The following TMTC2 variants were observed in gnomAD, a reference collection of about 807,000 sequenced individuals.
TMTC2 encodes protein O-mannosyl-transferase TMTC2.
In TMTC2, 43 loss-of-function variants were observed where a neutral mutation model predicts 82.4. That is an observed-to-expected ratio of 0.52 (90% CI 0.41 to 0.67). TMTC2 has a LOEUF of 0.67. Among genes scored for constraint, TMTC2 ranks in the 30% least tolerant of loss-of-function variants. The pLI is 0.00. For missense variants in TMTC2, 919 were observed against 1,012.4 expected (o/e 0.91, Z 1.25); for synonymous variants, 408 against 381.9 (o/e 1.07, Z -0.80).
Position 83,019,791 on chromosome 12 carries a change from T to G in TMTC2, c.2071-11007T>G, listed in dbSNP as rs139177550. Among the ~76,000 whole-genome samples, 517 of 152,278 alleles carry G rather than the reference T, an allele frequency of 3.4e-3. 1 individual carries two copies. Among genetic ancestry groups the G allele is most frequent in the Middle Eastern group, 0.01 (3 of 294 alleles). The stretch of plus-strand genomic sequence containing the variant: ...TTCCTTTCGTTGCCACTTCTCTACG[T>G]GCCTTCTGCTCCCATTCCACTCTCT... On this transcript the variant is annotated intron_variant, in intron 8 of 11. Coordinates refer to ENST00000321196, the MANE Select transcript of TMTC2 (RefSeq NM_152588.3).
intron 1 of TMTC2, among the ~76,000 whole-genome samples, chr12:82,710,384 C>T (rs140200030): frequency 8.5e-5 from 13 of 152,282 alleles, no homozygotes; most frequent in African/African-American, 2.4e-4. Context: ...TATATTGCCA[C>T]CTCCATTTTA....
intron 3 of TMTC2, among the ~76,000 whole-genome samples, chr12:82,896,913 C>CTGTGGCTTGG (rs1873718553): frequency 1.3e-5 from 2 of 152,110 alleles, no homozygotes; most frequent in African/African-American, 2.4e-5. Flanking sequence ...GTTGTGTAAA[C>CTGTGGCTTGG]AATATTGACT....
intron 11 of TMTC2, among the ~76,000 whole-genome samples, chr12:83,125,398 T>A (rs2137567029): frequency 6.6e-6 from 1 of 152,320 alleles, no homozygotes; most frequent in Non-Finnish European, 1.5e-5. Context: ...GGTGATATTT[T>A]GTATGATGTT....
At chr12:82,911,917 G>C (rs761397852) in intron 3 of TMTC2, among the ~76,000 whole-genome samples, 1 of 152,032 alleles carries the variant, frequency 6.6e-6, no homozygotes, top group Non-Finnish European at 1.5e-5. Context: ...GCCCATACTC[G>C]GATTTGGTTA....
intron 11 of TMTC2, among the ~76,000 whole-genome samples, chr12:83,097,201 A>G (rs2137528230): frequency 6.6e-6 from 1 of 152,322 alleles, no homozygotes; most frequent in South Asian, 2.1e-4. Flanking sequence ...CTAGAGATCA[A>G]GGAGAGATGG....
At chr12:82,988,716 C>T (rs1715051516) in intron 8 of TMTC2, among the ~76,000 whole-genome samples, 1 of 151,530 alleles carries the variant, frequency 6.6e-6, no homozygotes, top group Non-Finnish European at 1.5e-5. Context: ...TTTTTGCTTA[C>T]ACCTTACCTC....
At chr12:83,060,408 CCTT>C (rs1280455153) in intron 10 of TMTC2, among the ~76,000 whole-genome samples, 2 of 151,666 alleles carry the variant, frequency 1.3e-5, no homozygotes, top group Non-Finnish European at 2.9e-5. Flanking sequence ...GGCTAGTTAA[CCTT>C]CTCTTTTAAA....
chr12:82,994,556 T>G (rs1019635476), intron 8 of TMTC2, among the ~76,000 whole-genome samples: 3 of 152,040 alleles, frequency 2.0e-5, no homozygotes, highest in African/African-American at 7.2e-5. Flanking sequence ...TACTCTGATA[T>G]TCCATATTAC....
intron 11 of TMTC2, among the ~76,000 whole-genome samples, chr12:83,091,186 C>T (rs1883834609): frequency 6.6e-6 from 1 of 152,106 alleles, no homozygotes; most frequent in Non-Finnish European, 1.5e-5. Flanking sequence ...TGACAGTAGT[C>T]TTTGGCATTG....
intron 1 of TMTC2, among the ~76,000 whole-genome samples, chr12:82,773,323 T>C (rs1877410537): frequency 6.6e-6 from 1 of 152,194 alleles, no homozygotes; most frequent in South Asian, 2.1e-4. Flanking sequence ...TATTGCAGTT[T>C]GTGATAAAAT....
At chr12:83,039,001 A>G (rs1881785242) in intron 9 of TMTC2, among the ~76,000 whole-genome samples, 1 of 137,588 alleles carries the variant, frequency 7.3e-6, no homozygotes, top group African/African-American at 2.8e-5. Flanking sequence ...GCGCGATCTC[A>G]GCTCTCTGCA....
chr12:82,825,545 A>G (rs918173587), intron 1 of TMTC2, among the ~76,000 whole-genome samples: 2 of 152,108 alleles, frequency 1.3e-5, no homozygotes, highest in African/African-American at 2.4e-5. Context: ...TTTATAGGTA[A>G]TTGCTTCCTT....
intron 11 of TMTC2, among the ~76,000 whole-genome samples, chr12:83,094,105 A>G (rs746168742): frequency 3.3e-4 from 51 of 152,250 alleles, no homozygotes; most frequent in Admixed American, 9.8e-4. Context: ...AGGAGCACAC[A>G]GTTTTGTGAA....
intron 10 of TMTC2, among the ~76,000 whole-genome samples, chr12:83,054,163 C>T (rs186656485): frequency 3.7e-4 from 57 of 152,086 alleles, no homozygotes; most frequent in African/African-American, 1.3e-3. Context: ...TCCTCACCTG[C>T]GCTGGATAGG....
At chr12:83,109,012 A>G (rs909124645) in intron 11 of TMTC2, among the ~76,000 whole-genome samples, 1 of 152,158 alleles carries the variant, frequency 6.6e-6, no homozygotes, top group Non-Finnish European at 1.5e-5. Context: ...TAAAAGGCCA[A>G]GTTCTCTCAG....
intron 11 of TMTC2, among the ~76,000 whole-genome samples, chr12:83,078,742 T>C (rs570453210): frequency 6.6e-6 from 1 of 152,308 alleles, no homozygotes; most frequent in Non-Finnish European, 1.5e-5. Context: ...TCTCATATGG[T>C]TTTTATCTTC....
chr12:82,903,963 T>C (rs1874164416), intron 3 of TMTC2, among the ~76,000 whole-genome samples: 2 of 152,160 alleles, frequency 1.3e-5, no homozygotes, highest in South Asian at 4.1e-4. Context: ...GGAGTAGAGT[T>C]AGTTTCGGAT....
chr12:83,121,592 G>A (rs1338514122), intron 11 of TMTC2, among the ~76,000 whole-genome samples: 1 of 152,126 alleles, frequency 6.6e-6, no homozygotes, highest in South Asian at 2.1e-4. Context: ...AGGGTTCTTA[G>A]CTTTGGTGGT....
At chr12:82,912,245 G>A (rs1390438975) in intron 3 of TMTC2, among the ~76,000 whole-genome samples, 1 of 152,184 alleles carries the variant, frequency 6.6e-6, no homozygotes, top group Non-Finnish European at 1.5e-5. Context: ...TCAGCTCAGA[G>A]TCAAGTTTTG....
Sources: allele counts gnomAD v4.1 joint callset (sites outside exome capture counted in the v4.1 genomes callset), GRCh38; gene constraint gnomAD v4.1.1; transcripts MANE v1.5; gene names NCBI Gene and HGNC (gene_info 2026-07-23, HGNC 2026-07-21).